Variants in UBE2G1 observed in about 807,000 individuals in gnomAD.
UBE2G1 encodes ubiquitin-conjugating enzyme E2 G1.
A neutral mutation model predicts 22.7 loss-of-function variants in UBE2G1; 5 were observed. That is an observed-to-expected ratio of 0.22 (90% CI 0.12 to 0.46). UBE2G1 has a LOEUF of 0.46. Ranked by LOEUF, UBE2G1 falls within the 20% of genes least tolerant of loss-of-function variation. UBE2G1 has a pLI of 0.99. For missense variants in UBE2G1, 88 were observed against 203.9 expected, an observed-to-expected ratio of 0.43 and a Z score of 3.46; for synonymous variants, 74 against 67.5, an observed-to-expected ratio of 1.10 and a Z score of -0.47.
rs911672901 is a variant in UBE2G1, at chr17:4,366,645, C to T, written c.-329G>A. ...TCCCCCGCCACTGCCTCACTGCGCG[C>T]AGGGCCGCTCGGCGCAGGCGCGCTG... On this transcript the variant is annotated 5_prime_UTR_variant, in exon 1 of 6. Coordinates refer to ENST00000396981, the MANE Select transcript of UBE2G1 (RefSeq NM_003342.5). 5.1e-5 allele frequency: 13 copies of T among 254,594 alleles called. No homozygotes were observed. The highest frequency in any genetic ancestry group is 8.3e-5 in the Non-Finnish European group (11 of 132,656). 15.8% of individuals were successfully genotyped at this position (254,594 alleles called of 1,614,324 possible). A position where few individuals can be genotyped will look rare whatever the true frequency, so the allele number is the denominator to read the frequency against.
rs758488536 is a variant in UBE2G1, at chr17:4,307,201, G to A, written c.47-78C>T. ...AGTAGATAAATTACAGAACTTGAGC[G>A]TACATGTTTTATGTAAGTTTTAAAC... On this transcript the variant is annotated intron_variant, in intron 1 of 5. Coordinates refer to ENST00000396981, the MANE Select transcript of UBE2G1 (RefSeq NM_003342.5). The A allele has an allele frequency of 4.1e-5, 51 of 1,241,988 alleles. 1 individual carries two copies. The highest frequency in any genetic ancestry group is 1.2e-4 in the African/African-American group (8 of 66,638). 76.9% of individuals were successfully genotyped at this position (1,241,988 alleles called of 1,614,324 possible).
chr17:4,307,840 G>A (rs562348239), intron 1 of UBE2G1, among the ~76,000 whole-genome samples: 93 of 152,244 alleles, frequency 6.1e-4, no homozygotes, highest in African/African-American at 2.2e-3. Flanking sequence ...AGGATGACAG[G>A]GTGGGAAACA....
At chr17:4,296,886 T>G in intron 2 of UBE2G1, 72 bp from the exon 3 acceptor site, 2 of 1,344,056 alleles carry the variant, frequency 1.5e-6, no homozygotes, top group Non-Finnish European at 2.1e-6. Flanking sequence ...TTAAAACAAA[T>G]ATAAAACAAG....
intron 1 of UBE2G1, among the ~76,000 whole-genome samples, chr17:4,354,278 T>C (rs1345577706): frequency 6.6e-6 from 1 of 152,156 alleles, no homozygotes; most frequent in East Asian, 1.9e-4. Context: ...GCAGCTGTAT[T>C]ATGGAACTTT....
At chr17:4,334,374 A>G (rs931320733) in intron 1 of UBE2G1, among the ~76,000 whole-genome samples, 5 of 152,200 alleles carry the variant, frequency 3.3e-5, no homozygotes, top group African/African-American at 1.2e-4. Flanking sequence ...AGTTTATCCA[A>G]CTGTAAAAAA....
intron 2 of UBE2G1, chr17:4,302,237 T>C (rs1969191528): frequency 2.1e-6 from 1 of 477,610 alleles, no homozygotes; most frequent in South Asian, 1.6e-5. Flanking sequence ...TATATGTCGT[T>C]ATCAGCTCCC....
chr17:4,315,105 A>C (rs977188050), intron 1 of UBE2G1, among the ~76,000 whole-genome samples: 1 of 152,156 alleles, frequency 6.6e-6, no homozygotes, highest in Non-Finnish European at 1.5e-5. Flanking sequence ...AAATATTTAC[A>C]GACAAATGAT....
chr17:4,332,384 CA>C (rs1436494777), intron 1 of UBE2G1, among the ~76,000 whole-genome samples: 1 of 152,104 alleles, frequency 6.6e-6, no homozygotes, highest in Admixed American at 6.5e-5. Flanking sequence ...ATTTCAGCCA[CA>C]AATGTTTAAT....
chr17:4,365,207 G>T (rs879923511), intron 1 of UBE2G1, among the ~76,000 whole-genome samples: 3 of 152,240 alleles, frequency 2.0e-5, no homozygotes, highest in Admixed American at 1.3e-4. Context: ...AAGATCGCTT[G>T]AACTGAGAAT....
At chr17:4,347,980 C>T (rs543922103) in intron 1 of UBE2G1, among the ~76,000 whole-genome samples, 45 of 152,310 alleles carry the variant, frequency 3.0e-4, no homozygotes, top group South Asian at 1.2e-3. Context: ...TATCCTGAGA[C>T]ACAACAATAC....
chr17:4,301,961 T>A (rs1194647533), intron 2 of UBE2G1: 1 of 482,404 alleles, frequency 2.1e-6, no homozygotes, highest in South Asian at 1.6e-5. Flanking sequence ...ATGTATTCTT[T>A]CACTAATCTG....
chr17:4,287,650 G>A (rs576771641), intron 4 of UBE2G1, among the ~76,000 whole-genome samples: 1 of 152,168 alleles, frequency 6.6e-6, no homozygotes, highest in Admixed American at 6.5e-5. Flanking sequence ...GTCTCAGTCT[G>A]TATATAAGAT....
chr17:4,283,520 T>C (rs959460633), intron 4 of UBE2G1, among the ~76,000 whole-genome samples: 4 of 152,024 alleles, frequency 2.6e-5, no homozygotes, highest in Non-Finnish European at 4.4e-5. Context: ...ATTCAGTTGG[T>C]AATCTGAAGG....
At chr17:4,304,187 C>T (rs1327863019) in intron 2 of UBE2G1, among the ~76,000 whole-genome samples, 2 of 151,986 alleles carry the variant, frequency 1.3e-5, no homozygotes, top group Non-Finnish European at 2.9e-5. Context: ...TTTGTAGAGA[C>T]AGGGTTTTGC....
intron 4 of UBE2G1, among the ~76,000 whole-genome samples, chr17:4,284,158 C>CAA (rs544931688): frequency 0.024 from 2,573 of 108,776 alleles, 50 homozygotes; most frequent in Middle Eastern, 0.039. Context: ...CTCCGTCTCT[C>CAA]AAAAAAAAAA....
chr17:4,353,946 G>C (rs1969876180), intron 1 of UBE2G1, among the ~76,000 whole-genome samples: 1 of 149,958 alleles, frequency 6.7e-6, no homozygotes, highest in African/African-American at 2.5e-5. Context: ...GCCTCCCAAA[G>C]TGCTGGGATT....
intron 1 of UBE2G1, 84 bp downstream of exon 1, chr17:4,366,187 G>T: frequency 1.4e-6 from 2 of 1,404,782 alleles, no homozygotes; most frequent in Admixed American, 2.8e-5. Context: ...CAGTACGGCC[G>T]CTGGCCCGGG....
At chr17:4,319,733 AAAGAG>A (rs1454376848) in intron 1 of UBE2G1, among the ~76,000 whole-genome samples, 2 of 152,128 alleles carry the variant, frequency 1.3e-5, no homozygotes, top group Non-Finnish European at 2.9e-5. Context: ...GAAAAAAAAA[AAAGAG>A]AGAGAGAGAA....
intron 3 of UBE2G1, among the ~76,000 whole-genome samples, chr17:4,291,546 T>C (rs1290903779): frequency 1.3e-5 from 2 of 152,190 alleles, no homozygotes; most frequent in African/African-American, 2.4e-5. Flanking sequence ...CACCACTATA[T>C]AAGATCCATT....
Sources: gnomAD v4.1 joint callset for allele counts (sites outside exome capture counted in the v4.1 genomes callset) on GRCh38, gnomAD v4.1.1 for gene constraint, MANE v1.5 for transcripts, NCBI Gene and HGNC (gene_info 2026-07-23, HGNC 2026-07-21) for gene names.